PLCB1: variants seen among roughly 807,000 people sequenced by gnomAD.
The protein encoded by PLCB1 is 1-phosphatidylinositol 4,5-bisphosphate phosphodiesterase beta-1.
In PLCB1, 46 loss-of-function variants were observed where a neutral mutation model predicts 161.8. The observed-to-expected ratio is 0.28, with a 90% confidence interval of 0.22 to 0.36. PLCB1 has a LOEUF of 0.36. Ranked by LOEUF, PLCB1 falls within the 10% of genes least tolerant of loss-of-function variation. The pLI is 1.00. For synonymous variants in PLCB1, 517 were observed against 503.7 expected, an observed-to-expected ratio of 1.03 and a Z score of -0.35; for missense variants, 1,016 against 1,472.5, an observed-to-expected ratio of 0.69 and a Z score of 5.07.
intron 31 of PLCB1, among the ~76,000 whole-genome samples, chr20:8,841,066 G>A (rs1986486358): frequency 6.6e-6 from 1 of 152,194 alleles, no homozygotes; most frequent in South Asian, 2.1e-4. Flanking sequence ...TCGAACTCCT[G>A]ACCTCAGGTG....
chr20:8,300,352 A>G (rs1983844129), intron 2 of PLCB1, among the ~76,000 whole-genome samples: 1 of 152,146 alleles, frequency 6.6e-6, no homozygotes, highest in African/African-American at 2.4e-5. Context: ...TCCTGAATGG[A>G]GATCTGTTAG....
intron 14 of PLCB1, 31 bp from the exon 15 acceptor site, chr20:8,722,323 G>A (rs2123477602): frequency 2.0e-6 from 3 of 1,535,602 alleles, no homozygotes; most frequent in East Asian, 2.3e-5. Context: ...TTGAAATGGT[G>A]ACATGATGAT....
chr20:8,205,393 A>G (rs1321798255), intron 2 of PLCB1, among the ~76,000 whole-genome samples: 1 of 152,208 alleles, frequency 6.6e-6, no homozygotes, highest in Non-Finnish European at 1.5e-5. Flanking sequence ...TTTATTGAAA[A>G]CACTGAGAAG....
chr20:8,404,035 TTATG>T (rs1409363600), intron 3 of PLCB1, among the ~76,000 whole-genome samples: 4 of 150,770 alleles, frequency 2.7e-5, no homozygotes, highest in African/African-American at 9.7e-5. Context: ...TCATAAGTAT[TTATG>T]TATAGACAGA....
At chr20:8,246,472 G>T (rs1031954064) in intron 2 of PLCB1, among the ~76,000 whole-genome samples, 5 of 151,912 alleles carry the variant, frequency 3.3e-5, no homozygotes, top group African/African-American at 1.2e-4. Context: ...AATTCTTGAG[G>T]CCTGTTGTTA....
chr20:8,820,256 G>A (rs1039026601), intron 31 of PLCB1, among the ~76,000 whole-genome samples: 1 of 148,452 alleles, frequency 6.7e-6, no homozygotes, highest in African/African-American at 2.5e-5. Context: ...TTATAACATA[G>A]TATTATATTA....
chr20:8,634,132 G>A (rs1019046325), intron 4 of PLCB1, among the ~76,000 whole-genome samples: 5 of 152,242 alleles, frequency 3.3e-5, no homozygotes, highest in Admixed American at 3.3e-4. Flanking sequence ...TGTGTGTACT[G>A]CTTTGATAGA....
chr20:8,487,724 C>T lies in PLCB1; in HGVS notation c.246+116274C>T, dbSNP rs547949126. On this transcript the variant is annotated intron_variant, in intron 3 of 31. Coordinates refer to ENST00000338037, the MANE Select transcript of PLCB1 (RefSeq NM_015192.4). ...TTCTACAGCTACTCCAGATCTGTTT[C>T]GATAAAGGGGCGGTGGTGCAATGAA... Among the ~76,000 whole-genome samples, 4 of 152,216 alleles carry T rather than the reference C, an allele frequency of 2.6e-5. No individual in the cohort carries two copies. The South Asian group carries it at 8.3e-4, about 32-fold the overall frequency.
chr20:8,234,342 AGTTACAGAAATAGT>A lies in PLCB1; in HGVS notation c.177+83984_177+83997del, dbSNP rs371005437. 9.1e-3 allele frequency among the ~76,000 whole-genome samples: 1,388 copies of A among 152,226 alleles called. 24 individuals carry two copies. The highest frequency in any genetic ancestry group is 0.032 in the African/African-American group (1,339 of 41,538). On this transcript the variant is annotated intron_variant, in intron 2 of 31. Coordinates refer to ENST00000338037, the MANE Select transcript of PLCB1 (RefSeq NM_015192.4). ...ACAATAATAAAAGGGAGCAGGGTGG[AGTTACAGAAATAGT>A]GTTACAGAAATATGCAGTGTATGAT...
At chr20:8,468,354 G>T (rs576203214) in intron 3 of PLCB1, among the ~76,000 whole-genome samples, 2 of 152,268 alleles carry the variant, frequency 1.3e-5, no homozygotes, top group South Asian at 4.1e-4. Context: ...GGTTACAAGT[G>T]AGAATCAGTT....
chr20:8,240,092 A>T (rs1204314675), intron 2 of PLCB1, among the ~76,000 whole-genome samples: 1 of 151,912 alleles, frequency 6.6e-6, no homozygotes, highest in Non-Finnish European at 1.5e-5. Context: ...GATTACTTAG[A>T]CTATGCCTCT....
chr20:8,307,317 CTT>C (rs1016122320), intron 2 of PLCB1, among the ~76,000 whole-genome samples: 3 of 152,156 alleles, frequency 2.0e-5, no homozygotes, highest in African/African-American at 4.8e-5. Flanking sequence ...GCAGAAATGA[CTT>C]TCCTTCTCTC....
At chr20:8,457,402 G>A (rs941176630) in intron 3 of PLCB1, among the ~76,000 whole-genome samples, 14 of 152,008 alleles carry the variant, frequency 9.2e-5, no homozygotes, top group Non-Finnish European at 1.5e-5. Context: ...CCAGTTGTGT[G>A]TCCTTAACAT....
chr20:8,477,231 G>C (rs1600096102), intron 3 of PLCB1, among the ~76,000 whole-genome samples: 1 of 152,148 alleles, frequency 6.6e-6, no homozygotes, highest in East Asian at 1.9e-4. Context: ...CAATTCCAAC[G>C]CATGTTCAAT....
chr20:8,380,885 GCAGA>G (rs1445236757), intron 3 of PLCB1, among the ~76,000 whole-genome samples: 1 of 152,110 alleles, frequency 6.6e-6, no homozygotes, highest in Non-Finnish European at 1.5e-5. Flanking sequence ...TCATGTTGCT[GCAGA>G]CAGAGACAAG....
chr20:8,750,743 C>T (rs1005041998), intron 23 of PLCB1: 2 of 736,944 alleles, frequency 2.7e-6, no homozygotes, highest in Non-Finnish European at 4.2e-6. Context: ...GAAGAAGCTC[C>T]TCCTTAAGGG....
chr20:8,572,117 A>G (rs1322810651), intron 3 of PLCB1, among the ~76,000 whole-genome samples: 5 of 152,254 alleles, frequency 3.3e-5, no homozygotes, highest in Non-Finnish European at 5.9e-5. Context: ...TGCCATTTTA[A>G]TCATTTAATT....
intron 3 of PLCB1, among the ~76,000 whole-genome samples, chr20:8,411,514 C>G (rs1250701192): frequency 6.6e-6 from 1 of 152,048 alleles, no homozygotes; most frequent in Admixed American, 6.6e-5. Context: ...ATCATAAATT[C>G]ATTCTTTTAG....
At chr20:8,725,649 G>T (rs1406842096) in intron 16 of PLCB1, among the ~76,000 whole-genome samples, 1 of 152,000 alleles carries the variant, frequency 6.6e-6, no homozygotes, top group African/African-American at 2.4e-5. Context: ...CATTGAATTC[G>T]ATGTCCTAAT....
Sources: gnomAD v4.1 joint callset for allele counts (sites outside exome capture counted in the v4.1 genomes callset) on GRCh38, gnomAD v4.1.1 for gene constraint, MANE v1.5 for transcripts, NCBI Gene and HGNC (gene_info 2026-07-23, HGNC 2026-07-21) for gene names.